The following TPTE variants were observed in gnomAD, a reference collection of about 807,000 sequenced individuals.
TPTE encodes the protein putative tyrosine-protein phosphatase TPTE.
In TPTE, 59 loss-of-function variants were observed where a neutral mutation model predicts 84.1. The ratio of observed to expected loss-of-function variants is 0.70; its 90% CI spans 0.57 to 0.87. TPTE has a LOEUF of 0.87. TPTE is among the 40% of genes least tolerant of loss of function. TPTE has a pLI of 0.00. For missense variants in TPTE, 382 were observed against 659.6 expected, an observed-to-expected ratio of 0.58 and a Z score of 4.61; for synonymous variants, 130 against 223.5, an observed-to-expected ratio of 0.58 and a Z score of 3.73.
intron 6 of TPTE, 145 bp from the exon 7 acceptor site, chr21:10,543,184 C>T (rs548471562): frequency 5.9e-5 from 67 of 1,128,826 alleles, no homozygotes; most frequent in Non-Finnish European, 6.8e-5. Flanking sequence ...CGCCCGCCAC[C>T]GCGCCCAGCT....
chr21:10,573,418 CTT>C (rs554123217), intron 14 of TPTE, among the ~76,000 whole-genome samples: 51 of 152,180 alleles, frequency 3.4e-4, no homozygotes, highest in African/African-American at 1.2e-3. Context: ...GCACCCCACT[CTT>C]AACCACTGGA....
At chr21:10,569,931 A>G in intron 13 of TPTE, among the ~76,000 whole-genome samples, 185 bp downstream of exon 13, 1 of 152,312 alleles carries the variant, frequency 6.6e-6, no homozygotes. Context: ...ATGTCTTCTC[A>G]ATTCAAGACT....
At chr21:10,525,852 A>G (rs11184145) in intron 2 of TPTE, among the ~76,000 whole-genome samples, 2,161 of 151,458 alleles carry the variant, frequency 0.014, no homozygotes, top group Non-Finnish European at 0.02. Context: ...GGTAACATCT[A>G]TGGATGTCTC....
At chr21:10,542,743 GAT>G (rs1491170997) in intron 6 of TPTE, among the ~76,000 whole-genome samples, 3 of 152,302 alleles carry the variant, frequency 2.0e-5, no homozygotes, top group African/African-American at 7.2e-5. Flanking sequence ...TGGCCATAGA[GAT>G]TTTTTTTTTT....
intron 3 of TPTE, among the ~76,000 whole-genome samples, chr21:10,538,083 G>A (rs929397498): frequency 1.3e-5 from 2 of 152,312 alleles, no homozygotes. Context: ...GCTGAGGACA[G>A]CAGAGAATCC....
At chr21:10,523,157 C>A (rs994154271) in intron 1 of TPTE, among the ~76,000 whole-genome samples, 1 of 152,308 alleles carries the variant, frequency 6.6e-6, no homozygotes, top group Admixed American at 6.5e-5. Flanking sequence ...ATAATCCTCT[C>A]CATTACATAC....
At chr21:10,555,890 T>C (rs1349938164) in intron 8 of TPTE, among the ~76,000 whole-genome samples, 4 of 152,308 alleles carry the variant, frequency 2.6e-5, no homozygotes, top group Admixed American at 2.6e-4. Context: ...CTGTGAAAGA[T>C]AAGAAATGCA....
intron 17 of TPTE, among the ~76,000 whole-genome samples, chr21:10,582,502 A>G (rs1468668709): frequency 6.6e-6 from 1 of 152,312 alleles, no homozygotes; most frequent in African/African-American, 2.4e-5. Context: ...TAGGATTTTT[A>G]TTGGAACTAC....
chr21:10,534,013 C>G (rs528114116), intron 3 of TPTE, among the ~76,000 whole-genome samples: 8 of 152,296 alleles, frequency 5.3e-5, no homozygotes, highest in Non-Finnish European at 8.8e-5. Flanking sequence ...GTCAGCCACC[C>G]GCAATTGACT....
chr21:10,558,909 G>A (rs529316530), intron 8 of TPTE, among the ~76,000 whole-genome samples: 304 of 152,252 alleles, frequency 2.0e-3, no homozygotes, highest in African/African-American at 7.0e-3. Context: ...TTTGATTAAT[G>A]GAAGGAGCCC....
At chr21:10,548,003 C>G (rs1281154319) in intron 7 of TPTE, among the ~76,000 whole-genome samples, 1 of 152,308 alleles carries the variant, frequency 6.6e-6, no homozygotes, top group Non-Finnish European at 1.5e-5. Context: ...ACCTGAGAAA[C>G]AGCCTTGCGG....
At chr21:10,601,095 A>G (rs1322829027) in intron 21 of TPTE, among the ~76,000 whole-genome samples, 20 of 152,376 alleles carry the variant, frequency 1.3e-4, no homozygotes, top group Admixed American at 9.2e-4. Flanking sequence ...TTCTTAATGT[A>G]TTCTCAAAAA....
At chr21:10,544,875 G>C (rs1485443955) in intron 7 of TPTE, among the ~76,000 whole-genome samples, 1 of 152,310 alleles carries the variant, frequency 6.6e-6, no homozygotes, top group Non-Finnish European at 1.5e-5. Context: ...TTGGGGATTA[G>C]GTTTAGGAGT....
chr21:10,582,599 T>A (rs1485365088), intron 17 of TPTE, among the ~76,000 whole-genome samples: 3 of 152,312 alleles, frequency 2.0e-5, no homozygotes, highest in Non-Finnish European at 2.9e-5. Flanking sequence ...TCTTTAATAA[T>A]ATTTTATACT....
chr21:10,584,490 A>C (rs1050292754), intron 17 of TPTE, among the ~76,000 whole-genome samples: 1 of 152,310 alleles, frequency 6.6e-6, no homozygotes, highest in East Asian at 1.9e-4. Flanking sequence ...GGCAGGTGCC[A>C]CCATGCCTAG....
chr21:10,566,023 T>TA (rs1182078910), intron 10 of TPTE, among the ~76,000 whole-genome samples: 5 of 152,304 alleles, frequency 3.3e-5, no homozygotes, highest in African/African-American at 7.2e-5. Flanking sequence ...CACATCAAGT[T>TA]AAAAAACTGC....
At chr21:10,524,117 C>T (rs1167069739) in intron 1 of TPTE, among the ~76,000 whole-genome samples, 2 of 152,428 alleles carry the variant, frequency 1.3e-5, no homozygotes, top group East Asian at 1.9e-4. Flanking sequence ...GTTCTTACTA[C>T]AGAACTGACT....
chr21:10,553,417 GTCTAAACAAAGAGGGCAAA>G (rs1391327782), intron 8 of TPTE, among the ~76,000 whole-genome samples: 1 of 152,304 alleles, frequency 6.6e-6, no homozygotes, highest in Non-Finnish European at 1.5e-5. Flanking sequence ...AGCTGTTGGT[GTCTAAACAAAGAGGGCAAA>G]TAAAAATAGT....
At position 10,605,415 on chromosome 21, in the gene TPTE, A is replaced by C. The variant is rs1386436617; in HGVS notation, c.1521-2A>C. 5 of 1,613,630 alleles carry C rather than the reference A, an allele frequency of 3.1e-6. No individual in the cohort carries two copies. Among genetic ancestry groups the C allele is most frequent in the African/African-American group, 1.3e-5 (1 of 74,934 alleles). ...AATGTAATAATTTTTTTCTATTCTT[A>C]GGCTTTATCTACCAAAAAATGAATT... On this transcript the variant is annotated splice_acceptor_variant, in intron 23 of 23. Transcript: ENST00000618007. LOFTEE classifies it high-confidence loss of function.
Sources: allele counts gnomAD v4.1 joint callset (sites outside exome capture counted in the v4.1 genomes callset), GRCh38; gene constraint gnomAD v4.1.1; transcripts MANE v1.5; gene names NCBI Gene and HGNC (gene_info 2026-07-23, HGNC 2026-07-21).